CSMD1: variants seen among roughly 807,000 people sequenced by gnomAD.
CSMD1 encodes the protein CUB and Sushi multiple domains 1.
A neutral mutation model predicts 417.5 loss-of-function variants in CSMD1; 213 were observed. The ratio of observed to expected loss-of-function variants is 0.51; its 90% confidence interval spans 0.46 to 0.57. The LOEUF (loss-of-function observed/expected upper bound fraction) is 0.57, where lower values mean the gene tolerates loss of function less well. Among genes scored for constraint, CSMD1 ranks in the 20% least tolerant of loss-of-function variants. The pLI is 0.00. For synonymous variants in CSMD1, 2,862 were observed against 1,736.8 expected (o/e 1.65, Z -16.11); for missense variants, 6,923 against 4,529.7 (o/e 1.53, Z -15.17).
chr8:4,084,547 A>G (rs1172193446), intron 3 of CSMD1, among the ~76,000 whole-genome samples: 3 of 152,138 alleles, frequency 2.0e-5, no homozygotes, highest in East Asian at 3.9e-4. Flanking sequence ...GAAAAGGACA[A>G]TTGGTAGGAT....
chr8:3,808,881 T>G (rs1028502906), intron 5 of CSMD1, among the ~76,000 whole-genome samples: 1 of 152,164 alleles, frequency 6.6e-6, no homozygotes, highest in Non-Finnish European at 1.5e-5. Context: ...AATTCTGAAG[T>G]CATATCAGGG....
At chr8:3,921,139 C>A (rs1365665381) in intron 5 of CSMD1, among the ~76,000 whole-genome samples, 2 of 152,062 alleles carry the variant, frequency 1.3e-5, no homozygotes, top group African/African-American at 2.4e-5. Flanking sequence ...ACACATTTCC[C>A]TTATTTGTAT....
intron 3 of CSMD1, among the ~76,000 whole-genome samples, chr8:4,096,812 C>CA (rs1336242828): frequency 6.6e-6 from 1 of 152,162 alleles, no homozygotes; most frequent in Admixed American, 6.6e-5. Flanking sequence ...TCTTCTGACC[C>CA]ATCATTCTTG....
intron 8 of CSMD1, among the ~76,000 whole-genome samples, chr8:3,609,269 C>T (rs1801772680): frequency 6.6e-6 from 1 of 152,146 alleles, no homozygotes; most frequent in Non-Finnish European, 1.5e-5. Flanking sequence ...CAGTACCCAC[C>T]CATAAATTCT....
chr8:4,970,106 T>G (rs932546191), intron 1 of CSMD1, among the ~76,000 whole-genome samples: 1 of 151,898 alleles, frequency 6.6e-6, no homozygotes, highest in African/African-American at 2.4e-5. Flanking sequence ...ATATATAAAG[T>G]AATTGTATGT....
intron 3 of CSMD1, among the ~76,000 whole-genome samples, chr8:4,189,122 G>A (rs1252643733): frequency 1.3e-5 from 2 of 152,218 alleles, no homozygotes; most frequent in African/African-American, 4.8e-5. Context: ...ACTCAAACAT[G>A]CCCTGTAAAC....
intron 3 of CSMD1, among the ~76,000 whole-genome samples, chr8:4,040,040 C>T (rs1185577556): frequency 6.8e-6 from 1 of 146,668 alleles, no homozygotes; most frequent in African/African-American, 2.4e-5. Context: ...TTTCCCAATT[C>T]TAAAGCACCA....
intron 50 of CSMD1, among the ~76,000 whole-genome samples, chr8:3,030,575 C>T (rs1398632235): frequency 1.3e-5 from 2 of 152,036 alleles, no homozygotes; most frequent in Non-Finnish European, 2.9e-5. Context: ...CTCCCGGGTT[C>T]AAGCGATTCT....
intron 5 of CSMD1, among the ~76,000 whole-genome samples, chr8:3,773,274 G>A (rs1403813398): frequency 6.6e-6 from 1 of 152,080 alleles, no homozygotes; most frequent in East Asian, 1.9e-4. Context: ...CATAATTTGG[G>A]GATATAATAG....
chr8:3,812,143 C>A lies in CSMD1; in HGVS notation c.819-58101G>T, dbSNP rs143465844. Among the ~76,000 whole-genome samples the A allele has an allele frequency of 2.6e-3, 389 of 152,250 alleles. 5 individuals carry two copies. Among genetic ancestry groups the A allele is most frequent in the African/African-American group, 8.8e-3 (366 of 41,544 alleles). ...GGGTGTCCATATTTGTATTCATATTCACATGACAATTCTGTAAGTCTAAGC... is the reference window on the plus strand; with the variant it reads ...GGGTGTCCATATTTGTATTCATATTAACATGACAATTCTGTAAGTCTAAGC... On this transcript the variant is annotated intron_variant, in intron 5 of 69. Coordinates refer to ENST00000635120, the MANE Select transcript of CSMD1 (RefSeq NM_033225.6).
chr8:4,279,462 C>T (rs1173382185), intron 3 of CSMD1, among the ~76,000 whole-genome samples: 3 of 152,110 alleles, frequency 2.0e-5, no homozygotes, highest in Admixed American at 2.0e-4. Context: ...CCCAGTAGCC[C>T]ATTTAATAGC....
chr8:3,162,308 A>G (rs778243053), intron 37 of CSMD1, 31 bp from the exon 38 acceptor site: 11 of 1,349,120 alleles, frequency 8.2e-6, no homozygotes, highest in Non-Finnish European at 1.1e-5. Flanking sequence ...GCTAGAAATT[A>G]TATGATGTAA....
At chr8:3,197,470 T>C (rs1442931080) in intron 33 of CSMD1, among the ~76,000 whole-genome samples, 1 of 145,728 alleles carries the variant, frequency 6.9e-6, no homozygotes, top group African/African-American at 2.5e-5. Flanking sequence ...TAATTTTTTT[T>C]TTTTTTTTTT....
intron 3 of CSMD1, among the ~76,000 whole-genome samples, chr8:4,356,349 C>CA (rs71205447): frequency 4.0e-5 from 6 of 151,488 alleles, no homozygotes; most frequent in African/African-American, 1.5e-4. Flanking sequence ...CACACACACA[C>CA]CAGTTTCTTT....
chr8:3,274,721 G>A (rs566192692), intron 26 of CSMD1, among the ~76,000 whole-genome samples: 25 of 152,204 alleles, frequency 1.6e-4, no homozygotes, highest in Middle Eastern at 3.4e-3. Context: ...TTGGTTTAAA[G>A]TCTGTTTTAT....
chr8:3,443,133 G>A (rs1815095258), intron 12 of CSMD1, among the ~76,000 whole-genome samples: 1 of 152,118 alleles, frequency 6.6e-6, no homozygotes, highest in Non-Finnish European at 1.5e-5. Flanking sequence ...ATCCACTAGT[G>A]AGCAGTGTAC....
chr8:3,020,204 A>G (rs773080393), intron 51 of CSMD1, among the ~76,000 whole-genome samples: 2 of 152,220 alleles, frequency 1.3e-5, no homozygotes, highest in African/African-American at 2.4e-5. Flanking sequence ...CATTAGATTC[A>G]AACGGAAGCC....
intron 5 of CSMD1, among the ~76,000 whole-genome samples, chr8:3,827,193 C>T (rs1296359768): frequency 1.3e-5 from 2 of 152,220 alleles, no homozygotes; most frequent in African/African-American, 4.8e-5. Context: ...ATTACATATT[C>T]TCCCAAAGAG....
intron 1 of CSMD1, among the ~76,000 whole-genome samples, chr8:4,740,249 G>A (rs747262369): frequency 1.3e-5 from 2 of 152,108 alleles, no homozygotes; most frequent in Non-Finnish European, 2.9e-5. Context: ...TGCAATTTCT[G>A]ACATAATAAT....
Sources: gnomAD v4.1 joint callset for allele counts (sites outside exome capture counted in the v4.1 genomes callset) on GRCh38, gnomAD v4.1.1 for gene constraint, MANE v1.5 for transcripts, NCBI Gene and HGNC (gene_info 2026-07-23, HGNC 2026-07-21) for gene names.